EEF1B2: variants seen among roughly 807,000 people sequenced by gnomAD.
The protein encoded by EEF1B2 is elongation factor 1-beta.
A neutral mutation model predicts 28.3 loss-of-function variants in EEF1B2; 12 were observed. The ratio of observed to expected loss-of-function variants is 0.42; its 90% confidence interval spans 0.27 to 0.69. The LOEUF is 0.69. Among genes scored for constraint, EEF1B2 ranks in the 30% least tolerant of loss-of-function variants. The pLI, the probability that EEF1B2 is intolerant of heterozygous loss-of-function variation, is 0.22. For missense variants in EEF1B2, 234 were observed against 272.6 expected, an observed-to-expected ratio of 0.86 and a Z score of 1.00; for synonymous variants, 83 against 99.9, an observed-to-expected ratio of 0.83 and a Z score of 1.01.
chr2:206,159,859 C>A (rs1260018188), upstream of EEF1B2: 1 of 1,131,684 alleles, frequency 8.8e-7, no homozygotes, highest in Non-Finnish European at 1.2e-6. Context: ...GAAACGCCTC[C>A]GTCTCTATAT....
chr2:206,161,008 A>T, intron 2 of EEF1B2: 1 of 645,296 alleles, frequency 1.5e-6, no homozygotes, highest in South Asian at 1.5e-5. Context: ...GTCCTTGGCC[A>T]TTCTTCTGAA....
At chr2:206,160,896 G>T in intron 2 of EEF1B2, 186 bp downstream of exon 2, 1 of 916,606 alleles carries the variant, frequency 1.1e-6, no homozygotes, top group East Asian at 2.6e-5. Context: ...GGTAGAACAT[G>T]GACAGCAGCA....
intron 3 of EEF1B2, chr2:206,161,768 C>CA (rs34708881): frequency 0.021 from 9,676 of 459,540 alleles, 1 homozygote; most frequent in East Asian, 0.045. Context: ...GACTCCGTCC[C>CA]AAAAAAAAAA....
Position 206,160,008 on chromosome 2 carries a change from C to G in EEF1B2, c.29C>G (p.Ala10Gly), listed in dbSNP as rs754984113. The G allele has an allele frequency of 2.5e-6, 4 of 1,613,124 alleles. No individual in the cohort carries two copies. Among genetic ancestry groups the G allele is most frequent in the Non-Finnish European group, 2.5e-6 (3 of 1,179,748 alleles). MGFGDLKSP[A>G]GLQVLNDYLA... ...GGTTTCGGAGACCTGAAAAGCCCTG[C>G]CGGCCTCCAGGTGCTCAACGATTAC... The change falls in exon 1 of 6, where the codon GCC (alanine) becomes GGC (glycine). Residue 10 changes from alanine to glycine, a missense_variant. By Grantham distance (60) the Ala-to-Gly change is moderately conservative (BLOSUM62 0). Around this residue, in one of 2 missense-constraint regions of EEF1B2, gnomAD observed 178 missense variants for 173.3 expected, o/e 1.03. Transcript: ENST00000392222.
chr2:206,159,887 C>G, upstream of EEF1B2: 1 of 1,459,778 alleles, frequency 6.9e-7, no homozygotes, highest in African/African-American at 1.4e-5. Context: ...TTTCCGGTCT[C>G]TTCGGGTCCT....
At chr2:206,161,516 C>T (rs762710101) in intron 3 of EEF1B2, 44 bp downstream of exon 3, 2 of 1,607,802 alleles carry the variant, frequency 1.2e-6, no homozygotes, top group South Asian at 1.1e-5. Context: ...GGCGCAGTGG[C>T]TCATGCCTGT....
rs1687851104 is a variant in EEF1B2, at chr2:206,159,919, G to A, written c.-61G>A. 2 of 1,583,610 alleles carry A rather than the reference G, an allele frequency of 1.3e-6. No individual in the cohort carries two copies. The highest frequency in any genetic ancestry group is 1.7e-6 in the Non-Finnish European group (2 of 1,164,812). On this transcript the variant is annotated 5_prime_UTR_variant, in exon 1 of 6. Transcript: ENST00000392222. ...TCCTTTTTCCTCTCTTCAGCGTGGG[G>A]CGCCCACAATTTGCGCGCTCTCTTT...
Position 206,160,456 on chromosome 2 carries a change from A to C in EEF1B2, c.81-132A>C, listed in dbSNP as rs938472348. 6 of 1,488,710 alleles carry C rather than the reference A, an allele frequency of 4.0e-6. No homozygotes were observed. In the African/African-American group the frequency reaches 7.0e-5, roughly 17 times the overall value. The allele number at this position is 1,488,710 out of a possible 1,614,324, so 92.2% of individuals were successfully genotyped here. ...GGTTTGATTTGAAGGAGCTAATAAG[A>C]AAAGAAAAGCATTAAAGCAACCCTG... On this transcript the variant is annotated intron_variant, in intron 1 of 5. Transcript: ENST00000392222.
intron 2 of EEF1B2, chr2:206,161,008 ATTC>A: frequency 1.5e-6 from 1 of 645,296 alleles, no homozygotes. Flanking sequence ...GTCCTTGGCC[ATTC>A]TTCTGAAACT....
chr2:206,160,134 C>A, intron 1 of EEF1B2, 75 bp downstream of exon 1: 2 of 1,542,370 alleles, frequency 1.3e-6, no homozygotes, highest in South Asian at 1.2e-5. Flanking sequence ...CGCAGCGTGT[C>A]GGCTGCCGCG....
Position 206,161,344 on chromosome 2 carries a change from A to C in EEF1B2, c.204-2A>C. Reference sequence around the variant, plus strand: ...AGTGGTTGAATTTAAATGTTTTTCAAGCCTGCCAGGAGTGAAGAAAGCTTT... The same window carrying C: ...AGTGGTTGAATTTAAATGTTTTTCACGCCTGCCAGGAGTGAAGAAAGCTTT... On this transcript the variant is annotated splice_acceptor_variant, in intron 2 of 5. Transcript: ENST00000392222. LOFTEE classifies it high-confidence loss of function. 3.7e-6 allele frequency: 6 copies of C among 1,613,766 alleles called. No homozygotes were observed. Among genetic ancestry groups the C allele is most frequent in the Non-Finnish European group, 5.1e-6 (6 of 1,179,926 alleles).
upstream of EEF1B2, chr2:206,159,844 G>A (rs1687844814): frequency 4.2e-6 from 4 of 950,588 alleles, no homozygotes; most frequent in Non-Finnish European, 6.2e-6. Context: ...CCGGCGCGGT[G>A]GAGGGAAACG....
Position 206,162,063 on chromosome 2 carries a change from G to C in EEF1B2, c.356G>C (p.Arg119Thr). The change falls in exon 4 of 6, where the codon AGG (arginine) becomes ACG (threonine). Residue 119 changes from arginine to threonine, a missense_variant. Around this residue, in one of 2 missense-constraint regions of EEF1B2, gnomAD observed 178 missense variants for 173.3 expected, o/e 1.03. Transcript: ENST00000392222. ...EEESEEAKRL[R>T]EERLAQYESK... ...GAAAGTGAAGAAGCAAAGAGGCTAA[G>C]GGAAGAACGTCTTGCACAATATGAA... is the stretch of plus-strand genomic sequence containing the variant. 6.2e-7 allele frequency: 1 copy of C among 1,614,070 alleles called. No homozygotes were observed. Among genetic ancestry groups the C allele is most frequent in the Non-Finnish European group, 8.5e-7 (1 of 1,179,980 alleles).
At position 206,162,121 on chromosome 2, in the gene EEF1B2, T is replaced by TA; in HGVS notation, c.397+19dup. On this transcript the variant is annotated intron_variant, in intron 4 of 5. Transcript: ENST00000392222. ...AAGCCAAAAGTAGGTCATTTGTTTT[T>TA]AACTTCATTTCATGTTAATGTAAGT... 1.2e-6 allele frequency: 2 copies of TA among 1,609,756 alleles called. No individual in the cohort carries two copies. Among genetic ancestry groups the TA allele is most frequent in the African/African-American group, 1.3e-5 (1 of 74,950 alleles).
intron 1 of EEF1B2, 138 bp downstream of exon 1, chr2:206,160,197 C>T (rs1345093908): frequency 6.7e-5 from 77 of 1,146,954 alleles, no homozygotes; most frequent in Non-Finnish European, 8.9e-5. Context: ...GGAAAGCGCC[C>T]CGTTGCCGTC....
In EEF1B2 at chr2:206,160,578, T is replaced by C; in HGVS notation, c.81-10T>C. 6.2e-7 allele frequency: 1 copy of C among 1,614,058 alleles called. No individual in the cohort carries two copies. Among genetic ancestry groups the C allele is most frequent in the Non-Finnish European group, 8.5e-7 (1 of 1,179,994 alleles). On this transcript the variant is annotated splice_polypyrimidine_tract_variant and intron_variant, in intron 1 of 5. Transcript: ENST00000392222. ...AAAGGTGTGTGTGAATGTTTCTGTG[T>C]CCTTGGCAGGTATGTGCCATCACAA...
Position 206,160,657 on chromosome 2 carries a change from T to C in EEF1B2, c.150T>C (p.Cys50=). ...AVSSPPPADL[C]HALRWYNHIK... is the part of the protein sequence containing the mutation. The stretch of plus-strand genomic sequence containing the variant: ...CCAGCCCACCGCCTGCCGACTTGTG[T>C]CATGCCCTACGTTGGTATAATCACA... Residue 50 remains cysteine (C), a synonymous_variant, in exon 2 of 6, where the codon TGT becomes TGC. Transcript: ENST00000392222. 6.2e-7 allele frequency: 1 copy of C among 1,614,064 alleles called. No individual in the cohort carries two copies. Among genetic ancestry groups the C allele is most frequent in the Non-Finnish European group, 8.5e-7 (1 of 1,180,018 alleles).
At chr2:206,159,824 A>T, upstream of EEF1B2, 1 of 750,894 alleles carries the variant, frequency 1.3e-6, no homozygotes, top group Non-Finnish European at 2.1e-6. Context: ...TTTGACCTTT[A>T]ACCTTCGGTC....
intron 4 of EEF1B2, 49 bp from the exon 5 acceptor site, chr2:206,162,440 T>TG (rs1687961296): frequency 6.2e-7 from 1 of 1,608,194 alleles, no homozygotes; most frequent in African/African-American, 1.3e-5. Flanking sequence ...TGGAGTAGGG[T>TG]GAAAAAAATA....
Sources: gnomAD v4.1 joint callset for allele counts on GRCh38, gnomAD v4.1.1 for gene constraint, gnomAD v4.1.1 regional missense constraint, MANE v1.5 for transcripts, NCBI Gene and HGNC (gene_info 2026-07-23, HGNC 2026-07-21) for gene names.